The following SIN3B variants were observed in gnomAD, a reference collection of about 807,000 sequenced individuals.
The protein encoded by SIN3B is SIN3 transcription regulator family member B.
A neutral mutation model predicts 120.2 loss-of-function variants in SIN3B; 19 were observed. The observed-to-expected ratio is 0.16, with a 90% CI of 0.11 to 0.23. SIN3B has a LOEUF of 0.23. SIN3B is among the 10% of genes least tolerant of loss of function. The probability of loss-of-function intolerance (pLI) is 1.00; values close to 1 mark genes in which losing one functional copy is unlikely to be tolerated. For synonymous variants in SIN3B, 654 were observed against 653.2 expected (o/e 1.00, Z -0.02); for missense variants, 1,073 against 1,573.0 (o/e 0.68, Z 5.38).
chr19:16,857,360 A>G (rs1971628645), intron 8 of SIN3B, among the ~76,000 whole-genome samples: 1 of 152,186 alleles, frequency 6.6e-6, no homozygotes, highest in Non-Finnish European at 1.5e-5. Context: ...ATTGAAAATC[A>G]GTCAGATTTG....
Position 16,865,308 on chromosome 19 carries a change from C to CG in SIN3B, c.1384-102_1384-101insG, listed in dbSNP as rs1228754669. ...GACCCTATCTCTTAAATACACACAC[C>CG]CCCCCCCCAAAAAAATCCTCTGGTC... On this transcript the variant is annotated intron_variant, in intron 10 of 18. Coordinates refer to ENST00000248054, the MANE Select transcript of SIN3B (RefSeq NM_001297595.2). 4 of 536,106 alleles carry CG rather than the reference C, an allele frequency of 7.5e-6. 1 individual carries two copies. The highest frequency in any genetic ancestry group is 7.1e-5 in the East Asian group (2 of 28,172). 33.2% of individuals were successfully genotyped at this position (536,106 alleles called of 1,614,324 possible).
rs549355080 is a variant in SIN3B at position 16,865,661 on chromosome 19, G to A, written c.1622+13G>A. On this transcript the variant is annotated intron_variant, in intron 11 of 18. Coordinates refer to ENST00000248054, the MANE Select transcript of SIN3B (RefSeq NM_001297595.2). Reference sequence around the variant, plus strand: ...TTGTCCTGAAAAGGTGCCCTGTGGCGTCCCGACTTCCCTTCCCCTTCCCCT... The same window carrying A: ...TTGTCCTGAAAAGGTGCCCTGTGGCATCCCGACTTCCCTTCCCCTTCCCCT... The A allele has an allele frequency of 1.6e-5, 25 of 1,557,514 alleles. No individual in the cohort carries two copies. The highest frequency in any genetic ancestry group is 4.1e-5 in the African/African-American group (3 of 73,812).
At chr19:16,867,416 G>C (rs1971791303) in intron 12 of SIN3B, among the ~76,000 whole-genome samples, 3 of 152,234 alleles carry the variant, frequency 2.0e-5, no homozygotes, top group African/African-American at 7.2e-5. Context: ...CAGGTTGCCA[G>C]GAGCTGGGCC....
At chr19:16,848,124 T>C (rs998671304) in intron 5 of SIN3B, among the ~76,000 whole-genome samples, 5 of 152,244 alleles carry the variant, frequency 3.3e-5, no homozygotes, top group Admixed American at 3.3e-4. Context: ...GTTAGATGGA[T>C]GAGCCACATT....
chr19:16,848,686 A>T (rs532799777), intron 5 of SIN3B, among the ~76,000 whole-genome samples: 84 of 152,214 alleles, frequency 5.5e-4, no homozygotes, highest in African/African-American at 2.0e-3. Flanking sequence ...TTTTTTGTAG[A>T]GACAGGGCTT....
intron 4 of SIN3B, among the ~76,000 whole-genome samples, chr19:16,843,054 C>T (rs1022951605): frequency 9.9e-5 from 15 of 152,274 alleles, no homozygotes; most frequent in African/African-American, 2.6e-4. Flanking sequence ...TTCACCCAGA[C>T]GTGGAGTCTC....
chr19:16,871,515 CTTAA>C, intron 14 of SIN3B, 117 bp downstream of exon 14: 1 of 950,828 alleles, frequency 1.1e-6, no homozygotes. Flanking sequence ...CCTGTTTTTT[CTTAA>C]TTGAGACAAA....
intron 6 of SIN3B, among the ~76,000 whole-genome samples, chr19:16,851,853 A>T (rs1042105043): frequency 1.3e-5 from 2 of 152,200 alleles, no homozygotes. Context: ...CAAGGCCGCC[A>T]TGTACGTTTG....
intron 8 of SIN3B, chr19:16,854,871 C>G (rs1971591437): frequency 1.3e-5 from 2 of 152,172 alleles, no homozygotes; most frequent in African/African-American, 4.8e-5. Context: ...GTATGTGTGG[C>G]TTGCATTTAT....
intron 8 of SIN3B, among the ~76,000 whole-genome samples, chr19:16,856,033 G>A (rs1310586394): frequency 1.3e-5 from 2 of 152,136 alleles, no homozygotes; most frequent in African/African-American, 2.4e-5. Context: ...CTCTAGCCTG[G>A]GTGACAGAGT....
At chr19:16,875,834 G>T in intron 14 of SIN3B, 1 of 564,274 alleles carries the variant, frequency 1.8e-6, no homozygotes. Context: ...TGTTTGGTTT[G>T]GTCTGGTCTG....
intron 3 of SIN3B, among the ~76,000 whole-genome samples, chr19:16,834,608 A>G (rs1971321806): frequency 1.3e-5 from 2 of 152,158 alleles, no homozygotes; most frequent in Admixed American, 6.5e-5. Flanking sequence ...GCCTGGGAAC[A>G]GTCATTTCCA....
intron 3 of SIN3B, among the ~76,000 whole-genome samples, chr19:16,833,824 A>G (rs1971310642): frequency 2.0e-5 from 3 of 151,306 alleles, no homozygotes; most frequent in Admixed American, 2.0e-4. Context: ...CCTGGGTTCA[A>G]GAGATTCTCC....
At position 16,866,580 on chromosome 19, in the gene SIN3B, G is replaced by A. The variant is rs369448028; in HGVS notation, c.1806+24G>A. 21 of 1,610,332 alleles carry A rather than the reference G, an allele frequency of 1.3e-5. No individual in the cohort carries two copies. In the African/African-American group the frequency reaches 1.5e-4, roughly 11 times the overall value. On this transcript the variant is annotated intron_variant, in intron 12 of 18. Coordinates refer to ENST00000248054, the MANE Select transcript of SIN3B (RefSeq NM_001297595.2). Reference sequence around the variant, plus strand: ...AGGTAAAGCCTTCCCTAGCCCTGCCGGCCGGTGGGGGTGGGGTCCTGGCTC... The same window carrying A: ...AGGTAAAGCCTTCCCTAGCCCTGCCAGCCGGTGGGGGTGGGGTCCTGGCTC...
chr19:16,856,413 C>T (rs1971615193), intron 8 of SIN3B, among the ~76,000 whole-genome samples: 1 of 152,100 alleles, frequency 6.6e-6, no homozygotes, highest in South Asian at 2.1e-4. Flanking sequence ...TGTGGGGTTC[C>T]TGAGAGCTGC....
rs764562241 is a variant in SIN3B at position 16,841,961 on chromosome 19, C to G, written c.575C>G (p.Thr192Arg). The change falls in exon 4 of 19, where the codon ACG becomes AGG. Residue 192 changes from threonine to arginine, a missense_variant. By Grantham distance (71) the Thr-to-Arg change is moderately conservative. Transcript: ENST00000248054. The stretch of plus-strand genomic sequence containing the variant: ...AGGTCATTCCTGGAGATCCTGCACA[C>G]GTACCAGGTAAGAACTCAGATTACA... ...IYRSFLEILH[T>R]YQKEQLNTRG... 1.2e-6 allele frequency: 2 copies of G among 1,613,048 alleles called. No homozygotes were observed. Among genetic ancestry groups the G allele is most frequent in the African/African-American group, 1.3e-5 (1 of 74,894 alleles).
rs1568414015 is a variant in SIN3B, at chr19:16,841,852, G to C, written c.466G>C (p.Glu156Gln). 8 of 1,613,974 alleles carry C rather than the reference G, an allele frequency of 5.0e-6. No homozygotes were observed. The highest frequency in any genetic ancestry group is 6.8e-6 in the Non-Finnish European group (8 of 1,180,020). Reference sequence around the variant, plus strand: ...AGAGGACAAACCCCAGGTGCCCCTGGAGTCCGATTCCGTGGAATTCAACAA... The same window carrying C: ...AGAGGACAAACCCCAGGTGCCCCTGCAGTCCGATTCCGTGGAATTCAACAA... ...YKEDKPQVPL[E>Q]SDSVEFNNAI... is the part of the protein sequence containing the mutation. The change falls in exon 4 of 19, where the codon GAG becomes CAG. Residue 156 changes from glutamate (E) to glutamine (Q), a missense_variant. Glu to Gln is a conservative substitution (Grantham distance 29, BLOSUM62 2). Coordinates refer to ENST00000248054, the MANE Select transcript of SIN3B (RefSeq NM_001297595.2).
At chr19:16,842,013 C>A in intron 4 of SIN3B, 45 bp downstream of exon 4, 1 of 1,455,514 alleles carries the variant, frequency 6.9e-7, no homozygotes, top group Non-Finnish European at 9.6e-7. Flanking sequence ...GGATTTCATC[C>A]AGTTTGGGGC....
rs190694070 is a variant in SIN3B, at chr19:16,837,131, G to A, written c.382-4637G>A. 1.4e-3 allele frequency among the ~76,000 whole-genome samples: 218 copies of A among 152,182 alleles called. 1 individual carries two copies. Among genetic ancestry groups the A allele is most frequent in the African/African-American group, 4.9e-3 (204 of 41,514 alleles). The stretch of plus-strand genomic sequence containing the variant: ...GTTTCATGAGGGACTGTTCCTGGTG[G>A]GGAGTGATGGCCTGAGGTGAGAGTG... On this transcript the variant is annotated intron_variant, in intron 3 of 18. Coordinates refer to ENST00000248054, the MANE Select transcript of SIN3B (RefSeq NM_001297595.2).
Sources: gnomAD v4.1 joint callset for allele counts (sites outside exome capture counted in the v4.1 genomes callset) on GRCh38, gnomAD v4.1.1 for gene constraint, MANE v1.5 for transcripts, NCBI Gene and HGNC (gene_info 2026-07-23, HGNC 2026-07-21) for gene names.